Variants in IL1R1 observed in about 807,000 individuals in gnomAD.
The protein encoded by IL1R1 is interleukin-1 receptor type 1.
A neutral mutation model predicts 50.2 loss-of-function variants in IL1R1; 22 were observed. The observed-to-expected ratio is 0.44, with a 90% CI of 0.31 to 0.63. The LOEUF (loss-of-function observed/expected upper bound fraction) is 0.63, where lower values mean the gene tolerates loss of function less well. Ranked by LOEUF, IL1R1 falls within the 20% of genes least tolerant of loss-of-function variation. IL1R1 has a pLI of 0.07. For missense variants in IL1R1, 509 were observed against 676.2 expected, an observed-to-expected ratio of 0.75 and a Z score of 2.74; for synonymous variants, 251 against 236.7, an observed-to-expected ratio of 1.06 and a Z score of -0.55.
chr2:102,072,529 C>T (rs538843176), intron 1 of IL1R1, among the ~76,000 whole-genome samples: 5 of 152,238 alleles, frequency 3.3e-5, no homozygotes, highest in African/African-American at 1.2e-4. Context: ...TCTTAATTCA[C>T]ATTTCTTTGG....
At chr2:102,151,374 A>C (rs1387427531) in intron 1 of IL1R1, among the ~76,000 whole-genome samples, 5 of 152,018 alleles carry the variant, frequency 3.3e-5, no homozygotes, top group Admixed American at 6.5e-5. Flanking sequence ...CTTTGATTCT[A>C]GGTTGGGTTT....
chr2:102,147,772 T>C (rs1358849589), intron 1 of IL1R1, among the ~76,000 whole-genome samples: 1 of 152,236 alleles, frequency 6.6e-6, no homozygotes, highest in Non-Finnish European at 1.5e-5. Flanking sequence ...CATGCCTTAG[T>C]TGAAACCACC....
intron 1 of IL1R1, among the ~76,000 whole-genome samples, chr2:102,079,512 G>T (rs538851985): frequency 3.9e-5 from 6 of 151,976 alleles, no homozygotes; most frequent in South Asian, 4.2e-4. Context: ...GCTTCAAAAA[G>T]AATAAAATAG....
At chr2:102,133,967 T>C (rs1682193530) in intron 1 of IL1R1, among the ~76,000 whole-genome samples, 1 of 152,196 alleles carries the variant, frequency 6.6e-6, no homozygotes, top group Non-Finnish European at 1.5e-5. Context: ...AAATTCTATT[T>C]GTAGACAACA....
At chr2:102,150,607 G>C (rs1683566484) in intron 1 of IL1R1, among the ~76,000 whole-genome samples, 1 of 152,192 alleles carries the variant, frequency 6.6e-6, no homozygotes, top group African/African-American at 2.4e-5. Context: ...AACAGCGATG[G>C]GGGCTGTATT....
chr2:102,085,888 C>T (rs1234677695), intron 1 of IL1R1, among the ~76,000 whole-genome samples: 2 of 152,036 alleles, frequency 1.3e-5, no homozygotes, highest in Admixed American at 1.3e-4. Flanking sequence ...CTTCTCTTGG[C>T]AATTTTTAAA....
Position 102,176,840 on chromosome 2 carries a change from C to A in IL1R1, c.*81C>A. On this transcript the variant is annotated 3_prime_UTR_variant, in exon 12 of 12. Transcript: ENST00000410023. ...CCAGGTTATGCCTCATGCTGACTTG[C>A]AGAGTTCATGGAATGTAACTATATC... 1 of 1,308,162 alleles carries A rather than the reference C, an allele frequency of 7.6e-7. No homozygotes were observed. 81.0% of individuals were successfully genotyped at this position (1,308,162 alleles called of 1,614,324 possible).
chr2:102,110,306 G>T (rs1419671224), intron 1 of IL1R1, among the ~76,000 whole-genome samples: 1 of 152,172 alleles, frequency 6.6e-6, no homozygotes, highest in Non-Finnish European at 1.5e-5. Flanking sequence ...TGCGACCAGT[G>T]GCAGCCTGCC....
At chr2:102,129,783 G>C (rs955709772) in intron 1 of IL1R1, among the ~76,000 whole-genome samples, 11 of 152,146 alleles carry the variant, frequency 7.2e-5, no homozygotes, top group African/African-American at 2.4e-4. Context: ...GCTTTATGTA[G>C]AGCAGACGTT....
intron 6 of IL1R1, 83 bp from the exon 7 acceptor site, chr2:102,168,515 T>C (rs1685393655): frequency 1.9e-6 from 2 of 1,037,082 alleles, no homozygotes; most frequent in African/African-American, 3.1e-5. Context: ...AGAAGTCATT[T>C]AGTATGTTTT....
chr2:102,165,056 T>C (rs1242988857), intron 4 of IL1R1, 48 bp downstream of exon 4: 1 of 1,571,898 alleles, frequency 6.4e-7, no homozygotes, highest in South Asian at 1.1e-5. Context: ...TTTCCTGCAG[T>C]TGTTAAGGAC....
chr2:102,083,175 G>T (rs113112517), intron 1 of IL1R1, among the ~76,000 whole-genome samples: 1,902 of 152,214 alleles, frequency 0.012, 12 homozygotes, highest in Middle Eastern at 0.051. Context: ...ACTCTAAGAA[G>T]GTCTAGGGCC....
intron 1 of IL1R1, among the ~76,000 whole-genome samples, chr2:102,110,334 G>T (rs1306927247): frequency 2.0e-5 from 3 of 152,160 alleles, no homozygotes; most frequent in African/African-American, 7.2e-5. Context: ...TTTTGCAGAA[G>T]TGTTTCCAAG....
At chr2:102,151,874 T>G (rs1683691339) in intron 1 of IL1R1, among the ~76,000 whole-genome samples, 1 of 152,044 alleles carries the variant, frequency 6.6e-6, no homozygotes, top group African/African-American at 2.4e-5. Flanking sequence ...GCACGGTGCT[T>G]ATAAACGGCA....
At chr2:102,125,401 C>T (rs147235581) in intron 1 of IL1R1, among the ~76,000 whole-genome samples, 9 of 152,274 alleles carry the variant, frequency 5.9e-5, no homozygotes, top group Admixed American at 1.3e-4. Context: ...TCTTCTTGGT[C>T]GTAGCTCTTG....
intron 1 of IL1R1, among the ~76,000 whole-genome samples, chr2:102,071,160 A>G (rs1188221484): frequency 6.6e-6 from 1 of 152,198 alleles, no homozygotes; most frequent in African/African-American, 2.4e-5. Flanking sequence ...ATATTTGTAT[A>G]CTTATATATA....
Position 102,168,667 on chromosome 2 carries a change from A to C in IL1R1, c.721+4A>C, listed in dbSNP as rs764163507. The stretch of plus-strand genomic sequence containing the variant: ...GAGACAATGGAAGTAGACTTGGGTA[A>C]GTGGGCTTCAGTGAGGGTATGCTGG... On this transcript the variant is annotated splice_donor_region_variant and intron_variant, in intron 7 of 11. Coordinates refer to ENST00000410023, the MANE Select transcript of IL1R1 (RefSeq NM_000877.4). The C allele has an allele frequency of 6.2e-7, 1 of 1,607,482 alleles. No individual in the cohort carries two copies. The highest frequency in any genetic ancestry group is 2.2e-5 in the East Asian group (1 of 44,818).
intron 1 of IL1R1, among the ~76,000 whole-genome samples, chr2:102,135,183 T>C (rs938490990): frequency 6.6e-6 from 1 of 152,226 alleles, no homozygotes; most frequent in African/African-American, 2.4e-5. Flanking sequence ...ACTCTGTTGC[T>C]GATTTTATGA....
upstream of IL1R1, among the ~76,000 whole-genome samples, chr2:102,138,757 C>T (rs947628161): frequency 6.6e-6 from 1 of 152,156 alleles, no homozygotes; most frequent in African/African-American, 2.4e-5. Flanking sequence ...CCATCTAGGA[C>T]AGTGGTTTCC....
Sources: gnomAD v4.1 joint callset for allele counts (sites outside exome capture counted in the v4.1 genomes callset) on GRCh38, gnomAD v4.1.1 for gene constraint, MANE v1.5 for transcripts, NCBI Gene and HGNC (gene_info 2026-07-23, HGNC 2026-07-21) for gene names.